The following CLMN variants were observed in gnomAD, a reference collection of about 807,000 sequenced individuals.
CLMN encodes calmin (calponin-like, transmembrane).
Under a neutral mutation model 92.7 loss-of-function variants are expected in CLMN, and 57 were observed. The ratio of observed to expected loss-of-function variants is 0.61; its 90% CI spans 0.50 to 0.77. CLMN has a LOEUF of 0.77. CLMN is among the 30% of genes least tolerant of loss of function. The pLI is 0.00. For missense variants in CLMN, 1,158 were observed against 1,237.5 expected, an observed-to-expected ratio of 0.94 and a Z score of 0.96; for synonymous variants, 466 against 470.6, an observed-to-expected ratio of 0.99 and a Z score of 0.13.
intron 1 of CLMN, among the ~76,000 whole-genome samples, chr14:95,255,140 G>A (rs375650031): frequency 1.3e-5 from 2 of 152,154 alleles, no homozygotes; most frequent in Non-Finnish European, 2.9e-5. Flanking sequence ...GGCAGGGGAC[G>A]GCCATCTGCA....
intron 8 of CLMN, 73 bp from the exon 9 acceptor site, chr14:95,204,536 A>G (rs1896992988): frequency 7.4e-7 from 1 of 1,343,322 alleles, no homozygotes. Flanking sequence ...ACAGAGCAAC[A>G]TGAGTAAGAA....
At chr14:95,218,094 C>CA (rs2140609244) in intron 4 of CLMN, among the ~76,000 whole-genome samples, 1 of 152,324 alleles carries the variant, frequency 6.6e-6, no homozygotes, top group African/African-American at 2.4e-5. Context: ...CCTCCTAACT[C>CA]AGCTAGTTTT....
At chr14:95,218,815 G>T (rs184864390) in intron 4 of CLMN, among the ~76,000 whole-genome samples, 1 of 152,312 alleles carries the variant, frequency 6.6e-6, no homozygotes, top group Non-Finnish European at 1.5e-5. Flanking sequence ...AAAATAGAGG[G>T]GATGGAGGCT....
At chr14:95,285,042 G>A (rs1900287439) in intron 1 of CLMN, among the ~76,000 whole-genome samples, 1 of 152,240 alleles carries the variant, frequency 6.6e-6, no homozygotes, top group Non-Finnish European at 1.5e-5. Flanking sequence ...TGAATCATGG[G>A]GGCCAGTCTT....
rs1295041206 is a variant in CLMN, at chr14:95,186,829, G to C, written c.*4735C>G. ...TCCTGCCTTGGCCTCCCAAAGGGCTGGGATTATAGGTGTGAGCCACTACTG... is the reference window on the plus strand; with the variant it reads ...TCCTGCCTTGGCCTCCCAAAGGGCTCGGATTATAGGTGTGAGCCACTACTG... On this transcript the variant is annotated 3_prime_UTR_variant, in exon 13 of 13. Transcript: ENST00000298912. 6.6e-6 allele frequency: 1 copy of C among 152,272 alleles called. No homozygotes were observed. Among genetic ancestry groups the C allele is most frequent in the Non-Finnish European group, 1.5e-5 (1 of 68,114 alleles). 9.4% of individuals were successfully genotyped at this position (152,272 alleles called of 1,614,324 possible). A position where few individuals can be genotyped will look rare whatever the true frequency, so the allele number is the denominator to read the frequency against.
rs986088223 is a variant in CLMN, at chr14:95,188,994, AAAAGT to A, written c.*2565_*2569del. 1 of 152,104 alleles carries A rather than the reference AAAAGT, an allele frequency of 6.6e-6. No individual in the cohort carries two copies. The highest frequency in any genetic ancestry group is 2.4e-5 in the African/African-American group (1 of 41,412). 9.4% of individuals were successfully genotyped at this position (152,104 alleles called of 1,614,324 possible). On this transcript the variant is annotated 3_prime_UTR_variant, in exon 13 of 13. Transcript: ENST00000298912. ...GAATGTGCCACACCAAAAAAAAAAA[AAAAGT>A]AAAGAGAGAGAATAGCAAATTAATG...
Position 95,202,957 on chromosome 14 carries a change from G to GCACCTGGT in CLMN, c.2384_2391dup (p.Leu798ThrfsTer53). 1 of 1,614,056 alleles carries GCACCTGGT rather than the reference G, an allele frequency of 6.2e-7. No homozygotes were observed. Among genetic ancestry groups the GCACCTGGT allele is most frequent in the Non-Finnish European group, 8.5e-7 (1 of 1,179,988 alleles). The stretch of plus-strand genomic sequence containing the variant: ...CCCACACCACCCCTGCTGAGATACA[G>GCACCTGGT]CACCTGGTCGCTGGCACTGGGGAGG... On this transcript the variant is annotated frameshift_variant, in exon 9 of 13. Coordinates refer to ENST00000298912, the MANE Select transcript of CLMN (RefSeq NM_024734.4). LOFTEE classifies it high-confidence loss of function.
chr14:95,222,502 C>T (rs754062442), intron 3 of CLMN: 11 of 451,808 alleles, frequency 2.4e-5, no homozygotes, highest in South Asian at 7.8e-5. Context: ...TGCCAGGCCA[C>T]GCTCATGGGG....
intron 1 of CLMN, among the ~76,000 whole-genome samples, chr14:95,316,613 G>T (rs983288904): frequency 6.6e-6 from 1 of 152,238 alleles, no homozygotes; most frequent in Non-Finnish European, 1.5e-5. Flanking sequence ...GAATCCTACA[G>T]TTCAGCGTGA....
chr14:95,248,786 G>T (rs1006936384), intron 1 of CLMN, among the ~76,000 whole-genome samples: 1 of 152,122 alleles, frequency 6.6e-6, no homozygotes, highest in African/African-American at 2.4e-5. Flanking sequence ...GCATAAACAA[G>T]CCTGCAGTGG....
chr14:95,197,908 T>A (rs2140564750), intron 9 of CLMN, among the ~76,000 whole-genome samples: 2 of 152,290 alleles, frequency 1.3e-5, no homozygotes, highest in South Asian at 4.1e-4. Flanking sequence ...TCTCACAGGC[T>A]GCCCTCATCA....
At chr14:95,215,546 C>T (rs1595578286) in intron 5 of CLMN, 95 bp downstream of exon 5, 9 of 1,022,998 alleles carry the variant, frequency 8.8e-6, no homozygotes, top group South Asian at 6.6e-5. Flanking sequence ...TAAACTAAGC[C>T]TCACTGCCTC....
At chr14:95,275,105 A>T (rs1899875285) in intron 1 of CLMN, among the ~76,000 whole-genome samples, 1 of 152,148 alleles carries the variant, frequency 6.6e-6, no homozygotes, top group Non-Finnish European at 1.5e-5. Context: ...GATGACGCAG[A>T]TTAAAAATCC....
chr14:95,287,601 G>A (rs879358433), intron 1 of CLMN, among the ~76,000 whole-genome samples: 2 of 152,210 alleles, frequency 1.3e-5, no homozygotes, highest in Admixed American at 1.3e-4. Context: ...CTGAGGTGGA[G>A]CCTGAGAATC....
chr14:95,279,090 T>C (rs1401376652), intron 1 of CLMN, among the ~76,000 whole-genome samples: 1 of 152,244 alleles, frequency 6.6e-6, no homozygotes, highest in East Asian at 1.9e-4. Context: ...GTGATGTTTA[T>C]ATAAAAGAGC....
intron 1 of CLMN, among the ~76,000 whole-genome samples, chr14:95,254,170 C>G (rs1033212379): frequency 3.9e-5 from 6 of 152,178 alleles, no homozygotes; most frequent in African/African-American, 1.4e-4. Flanking sequence ...TGTCCTTTCT[C>G]ACCCATCGTG....
intron 1 of CLMN, among the ~76,000 whole-genome samples, chr14:95,306,315 C>G (rs1901274010): frequency 6.6e-6 from 1 of 152,102 alleles, no homozygotes; most frequent in Admixed American, 6.5e-5. Flanking sequence ...AGTTCGAGAC[C>G]AGCCTGGCCT....
At chr14:95,212,693 T>C (rs1274058246) in intron 6 of CLMN, among the ~76,000 whole-genome samples, 2 of 152,134 alleles carry the variant, frequency 1.3e-5, no homozygotes. Context: ...TGTATTCAAA[T>C]CTTATCAGCT....
At chr14:95,314,816 A>G (rs558113868) in intron 1 of CLMN, among the ~76,000 whole-genome samples, 1 of 152,350 alleles carries the variant, frequency 6.6e-6, no homozygotes, top group South Asian at 2.1e-4. Flanking sequence ...CACAGTCAGA[A>G]AGAAACTTTC....
Sources: allele counts gnomAD v4.1 joint callset (sites outside exome capture counted in the v4.1 genomes callset), GRCh38; gene constraint gnomAD v4.1.1; transcripts MANE v1.5; gene names NCBI Gene and HGNC (gene_info 2026-07-23, HGNC 2026-07-21).